Variants in MYO7A observed in about 807,000 individuals in gnomAD.
MYO7A encodes the protein myosin VIIA.
MYO7A carries 210 observed loss-of-function variants against 263.8 expected under a neutral mutation model. That is an observed-to-expected ratio of 0.80 (90% CI 0.71 to 0.89). MYO7A has a LOEUF of 0.89. Among genes scored for constraint, MYO7A ranks in the 40% least tolerant of loss-of-function variants. MYO7A has a pLI of 0.00. For synonymous variants in MYO7A, 1,239 were observed against 1,197.3 expected, an observed-to-expected ratio of 1.03 and a Z score of -0.72; for missense variants, 2,820 against 2,968.3, an observed-to-expected ratio of 0.95 and a Z score of 1.16.
At chr11:77,131,410 G>A (rs1040865038) in intron 2 of MYO7A, among the ~76,000 whole-genome samples, 7 of 152,224 alleles carry the variant, frequency 4.6e-5, no homozygotes, top group African/African-American at 1.4e-4. Flanking sequence ...ATATGAGTGC[G>A]TGCGCGTGTG....
At chr11:77,208,328 G>C (rs1957601406) in intron 42 of MYO7A, 102 bp from the exon 43 acceptor site, 10 of 908,164 alleles carry the variant, frequency 1.1e-5, no homozygotes, top group Middle Eastern at 5.1e-4. Flanking sequence ...TGGGAGTGGA[G>C]TCTTCCCTGA....
chr11:77,142,844 C>T (rs1555051603), intron 3 of MYO7A, 22 bp downstream of exon 3: 1 of 1,562,660 alleles, frequency 6.4e-7, no homozygotes, highest in South Asian at 1.2e-5. Flanking sequence ...CCTCCCTCCT[C>T]CTGCCCCATG....
In MYO7A at chr11:77,208,824, G is replaced by C. The variant is rs374846817; in HGVS notation, c.6051+21G>C. 8.7e-6 allele frequency: 13 copies of C among 1,502,810 alleles called. No homozygotes were observed. In the African/African-American group the frequency reaches 1.7e-4, roughly 19 times the overall value. The allele number at this position is 1,502,810 out of a possible 1,614,324, so 93.1% of individuals were successfully genotyped here. On this transcript the variant is annotated intron_variant, in intron 44 of 48. Transcript: ENST00000409709. The stretch of plus-strand genomic sequence containing the variant: ...ACCAGGTGGGCACCTCTGCACTCTA[G>C]TTGCCTTCGTGCACAGCTAGCGTTG...
intron 5 of MYO7A, 34 bp downstream of exon 5, chr11:77,156,125 C>G (rs1447710278): frequency 2.3e-5 from 37 of 1,606,176 alleles, no homozygotes; most frequent in Non-Finnish European, 3.0e-5. Flanking sequence ...GAGCTCCAGG[C>G]TTAGGACCTA....
chr11:77,179,650 A>G (rs1006692860), intron 20 of MYO7A, 85 bp from the exon 21 acceptor site: 1 of 1,262,138 alleles, frequency 7.9e-7, no homozygotes. Context: ...CTGAGAGTGG[A>G]GGCCGGTGCC....
chr11:77,207,418 C>T lies in MYO7A; in HGVS notation c.5856+16C>T, dbSNP rs756489889. ...TGCAGACAAGGTGGGTCCTTTGCCA[C>T]CTTCGCCAAGGTGGGAGATTTGCTG... On this transcript the variant is annotated intron_variant, in intron 42 of 48. Transcript: ENST00000409709. 8.4e-6 allele frequency: 13 copies of T among 1,552,574 alleles called. No individual in the cohort carries two copies. The South Asian group carries it at 1.5e-4, about 18-fold the overall frequency.
rs782497045 is a variant in MYO7A at position 77,156,096 on chromosome 11, G to A, written c.470+5G>A. 6.2e-7 allele frequency: 1 copy of A among 1,613,400 alleles called. No homozygotes were observed. Among genetic ancestry groups the A allele is most frequent in the Non-Finnish European group, 8.5e-7 (1 of 1,179,776 alleles). On this transcript the variant is annotated splice_donor_5th_base_variant and intron_variant, in intron 5 of 48. Coordinates refer to ENST00000409709, the MANE Select transcript of MYO7A (RefSeq NM_000260.4). The stretch of plus-strand genomic sequence containing the variant: ...AGACCAGTGCTGCATCATCAGGTGG[G>A]CGGCCCAGCACCTGTGTGGAGCTCC...
intron 2 of MYO7A, among the ~76,000 whole-genome samples, chr11:77,132,037 G>A (rs185794817): frequency 3.7e-4 from 56 of 152,174 alleles, no homozygotes; most frequent in African/African-American, 1.3e-3. Context: ...AAAATGCCAT[G>A]TGGAGCTCCA....
chr11:77,132,775 C>A (rs1268757921), intron 2 of MYO7A, among the ~76,000 whole-genome samples: 1 of 152,190 alleles, frequency 6.6e-6, no homozygotes, highest in Non-Finnish European at 1.5e-5. Context: ...GCGTGAGCCA[C>A]CGCACCAGGT....
rs575400686 is a variant in MYO7A, at chr11:77,184,898, G to A, written c.3503+183G>A. 1.1e-3 allele frequency: 1,201 copies of A among 1,048,562 alleles called. 5 individuals are homozygous for A. Among genetic ancestry groups the A allele is most frequent in the South Asian group, 3.3e-3 (240 of 73,824 alleles). The allele number at this position is 1,048,562 out of a possible 1,614,324, so 65.0% of individuals were successfully genotyped here. On this transcript the variant is annotated intron_variant, in intron 27 of 48. Coordinates refer to ENST00000409709, the MANE Select transcript of MYO7A (RefSeq NM_000260.4). ...TTTCTAAGCCTCTGATTCCTTGTCT[G>A]TAAAGGGGGAATCCTAAAACAGGCA...
chr11:77,157,374 C>T lies in MYO7A; in HGVS notation c.831C>T (p.Asp277=). 6.2e-7 allele frequency: 1 copy of T among 1,608,390 alleles called. No homozygotes were observed. Among genetic ancestry groups the T allele is most frequent in the Non-Finnish European group, 8.5e-7 (1 of 1,177,508 alleles). Residue 277 remains aspartate, a synonymous_variant, in exon 8 of 49, where the codon GAC becomes GAT. Transcript: ENST00000409709. ...AGCTGGGCTTGGGCCAGGCCTCTGA[C>T]TACAACTACTTGGCCATGGTGAGGC... ...KKKLGLGQAS[D]YNYLAMGNCI...
In MYO7A at chr11:77,165,524, C is replaced by G. The variant is rs138195719; in HGVS notation, c.1691-532C>G. Among the ~76,000 whole-genome samples, 899 of 152,332 alleles carry G rather than the reference C, an allele frequency of 5.9e-3. 2 individuals carry two copies. Among genetic ancestry groups the G allele is most frequent in the Non-Finnish European group, 9.9e-3 (675 of 68,038 alleles). On this transcript the variant is annotated intron_variant, in intron 14 of 48. Transcript: ENST00000409709. ...TGGCTTACTGTGTGACATTAGACAA[C>G]TCACTTAGCTTCTCTGAACATCAGT...
intron 1 of MYO7A, among the ~76,000 whole-genome samples, chr11:77,130,189 T>G (rs1950728812): frequency 6.6e-6 from 1 of 152,220 alleles, no homozygotes; most frequent in Non-Finnish European, 1.5e-5. Flanking sequence ...TCACCCACAT[T>G]CCTGGGGCAG....
rs1364544645 is a variant in MYO7A at position 77,208,636 on chromosome 11, C to T, written c.5945-61C>T. 33 of 1,503,254 alleles carry T rather than the reference C, an allele frequency of 2.2e-5. No individual in the cohort carries two copies. The East Asian group carries it at 4.2e-4, about 19-fold the overall frequency. 93.1% of individuals were successfully genotyped at this position (1,503,254 alleles called of 1,614,324 possible). A position where few individuals can be genotyped will look rare whatever the true frequency, so the allele number is the denominator to read the frequency against. ...TGAGGGCCTCCTCTGGGTCTGGGCT[C>T]GGGACGTGAGCACTCCTCTGTGCAG... On this transcript the variant is annotated intron_variant, in intron 43 of 48. Transcript: ENST00000409709.
chr11:77,212,047 C>T (rs1296031346), intron 46 of MYO7A, 110 bp downstream of exon 46: 4 of 923,592 alleles, frequency 4.3e-6, no homozygotes, highest in South Asian at 4.2e-5. Context: ...GACACCTGCC[C>T]TGGTGAGGGA....
chr11:77,186,132 G>T (rs1241003730), intron 27 of MYO7A, among the ~76,000 whole-genome samples: 2 of 151,818 alleles, frequency 1.3e-5, no homozygotes, highest in African/African-American at 4.8e-5. Flanking sequence ...CATGTTGCCA[G>T]GCTGGTCTTG....
chr11:77,147,312 C>T (rs1231412576), intron 3 of MYO7A, among the ~76,000 whole-genome samples: 1 of 152,130 alleles, frequency 6.6e-6, no homozygotes, highest in Non-Finnish European at 1.5e-5. Context: ...TCCCTGACCA[C>T]CACATCTCAA....
rs754104546 is a variant in MYO7A, at chr11:77,192,198, TC to T, written c.4074del (p.Glu1359ArgfsTer40). Reference protein sequence around the residue: ...KEVFTPWHSPSEDNVATNLIY... With the variant: ...KEVFTPWHSPXEDNVATNLIY... ...GGTCTTCACGCCCTGGCACAGCCCC[TC>T]CGAGGACAACGTGGCCACCAACCTC... is the stretch of plus-strand genomic sequence containing the variant. On this transcript the variant is annotated frameshift_variant, in exon 31 of 49. Coordinates refer to ENST00000409709, the MANE Select transcript of MYO7A (RefSeq NM_000260.4). LOFTEE classifies it high-confidence loss of function. The T allele has an allele frequency of 6.2e-7, 1 of 1,613,984 alleles. No homozygotes were observed. Among genetic ancestry groups the T allele is most frequent in the Non-Finnish European group, 8.5e-7 (1 of 1,179,890 alleles).
chr11:77,196,443 A>G (rs147489355), intron 32 of MYO7A, among the ~76,000 whole-genome samples: 76 of 152,344 alleles, frequency 5.0e-4, no homozygotes, highest in African/African-American at 1.6e-3. Context: ...TAATACGCAA[A>G]TATGGTAGGT....
Sources: allele counts gnomAD v4.1 joint callset (sites outside exome capture counted in the v4.1 genomes callset), GRCh38; gene constraint gnomAD v4.1.1; transcripts MANE v1.5; gene names NCBI Gene and HGNC (gene_info 2026-07-23, HGNC 2026-07-21).